RAB5B: variants seen among roughly 807,000 people sequenced by gnomAD.
The protein encoded by RAB5B is ras-related protein Rab-5B.
In RAB5B, 11 loss-of-function variants were observed where a neutral mutation model predicts 28.6. That is an observed-to-expected ratio of 0.38 (90% CI 0.24 to 0.64). The LOEUF is 0.64. Among genes scored for constraint, RAB5B ranks in the 30% least tolerant of loss-of-function variants. The pLI is 0.53. For synonymous variants in RAB5B, 93 were observed against 97.9 expected (o/e 0.95, Z 0.29); for missense variants, 169 against 265.6 (o/e 0.64, Z 2.53).
chr12:55,993,952 T>G lies in RAB5B; in HGVS notation c.*1740T>G, dbSNP rs1471518953. The G allele has an allele frequency of 2.6e-5, 4 of 151,106 alleles. No homozygotes were observed. Among genetic ancestry groups the G allele is most frequent in the Admixed American group, 2.6e-4 (4 of 15,162 alleles). 9.4% of individuals were successfully genotyped at this position (151,106 alleles called of 1,614,324 possible). On this transcript the variant is annotated 3_prime_UTR_variant, in exon 6 of 6. Coordinates refer to ENST00000360299, the MANE Select transcript of RAB5B (RefSeq NM_002868.4). Reference sequence around the variant, plus strand: ...GAAGCCATCAAGGCAAAAGAGAACTTTAAGTTCCTTGTTCCAGCCCGGAGT... The same window carrying G: ...GAAGCCATCAAGGCAAAAGAGAACTGTAAGTTCCTTGTTCCAGCCCGGAGT...
intron 1 of RAB5B, chr12:55,979,484 G>C (rs1255523268): frequency 6.6e-6 from 1 of 152,136 alleles, no homozygotes; most frequent in Non-Finnish European, 1.5e-5. Flanking sequence ...GGTATTTACT[G>C]GTTTCTGCTC....
Position 55,996,001 on chromosome 12 carries a change from A to ATTTTTTTTTT in RAB5B, c.*3790_*3791insTTTTTTTTTT, listed in dbSNP as rs1365255281. On this transcript the variant is annotated 3_prime_UTR_variant, in exon 6 of 6. Transcript: ENST00000360299. ...TATATATACATATATATATATATAT[A>ATTTTTTTTTT]TATTTTTTTTTTAACAACTGGTAGG... is the stretch of plus-strand genomic sequence containing the variant. The ATTTTTTTTTT allele has an allele frequency of 2.4e-5, 2 of 84,630 alleles. No homozygotes were observed. The highest frequency in any genetic ancestry group is 5.5e-5 in the African/African-American group (1 of 18,180). 5.2% of individuals were successfully genotyped at this position (84,630 alleles called of 1,614,324 possible).
chr12:55,991,291 A>C (rs1890110863), intron 4 of RAB5B, 69 bp from the exon 5 acceptor site: 1 of 1,211,112 alleles, frequency 8.3e-7, no homozygotes, highest in African/African-American at 1.5e-5. Context: ...GTTGTGCTGC[A>C]TGGGAGTGGA....
At chr12:55,990,905 A>G (rs1890096015) in intron 4 of RAB5B, 101 bp downstream of exon 4, 1 of 1,409,764 alleles carries the variant, frequency 7.1e-7, no homozygotes, top group African/African-American at 1.4e-5. Context: ...GAGGACATTC[A>G]TTGTCTCATT....
At chr12:55,983,349 G>A (rs1889861944) in intron 1 of RAB5B, among the ~76,000 whole-genome samples, 1 of 152,190 alleles carries the variant, frequency 6.6e-6, no homozygotes, top group African/African-American at 2.4e-5. Flanking sequence ...TCTAAAAATG[G>A]AAAATAAATT....
intron 1 of RAB5B, among the ~76,000 whole-genome samples, chr12:55,982,839 A>G (rs1228748921): frequency 1.3e-5 from 2 of 152,232 alleles, no homozygotes; most frequent in African/African-American, 4.8e-5. Flanking sequence ...ATGAGAATTC[A>G]GTCCATTCTA....
chr12:55,984,054 C>T (rs1390389965), intron 1 of RAB5B, among the ~76,000 whole-genome samples: 3 of 151,144 alleles, frequency 2.0e-5, no homozygotes, highest in Admixed American at 6.6e-5. Context: ...TGGAGTCTTG[C>T]TCTGTTACCC....
intron 1 of RAB5B, 56 bp from the exon 2 acceptor site, chr12:55,986,813 G>A: frequency 4.5e-6 from 3 of 671,002 alleles, no homozygotes; most frequent in South Asian, 1.8e-5. Context: ...TCTCTGAAAA[G>A]CGATTGCAGC....
In RAB5B at chr12:55,992,734, A is replaced by G; in HGVS notation, c.*522A>G. ...AATAAAGCTCAGAGCAGGAGGGAGTAAGGAAACATTTCCTTTTTGTTTTTA... is the reference window on the plus strand; with the variant it reads ...AATAAAGCTCAGAGCAGGAGGGAGTGAGGAAACATTTCCTTTTTGTTTTTA... On this transcript the variant is annotated 3_prime_UTR_variant, in exon 6 of 6. Transcript: ENST00000360299. 6.4e-6 allele frequency: 2 copies of G among 310,272 alleles called. No individual in the cohort carries two copies. The highest frequency in any genetic ancestry group is 5.2e-5 in the South Asian group (2 of 38,258). 19.2% of individuals were successfully genotyped at this position (310,272 alleles called of 1,614,324 possible).
rs1036475754 is a variant in RAB5B, at chr12:55,994,635, A to G, written c.*2423A>G. Reference sequence around the variant, plus strand: ...CCTTTCTTCCTCTCCCAACATAACAATCGTGGTAACAGAATGCGACTGCTG... The same window carrying G: ...CCTTTCTTCCTCTCCCAACATAACAGTCGTGGTAACAGAATGCGACTGCTG... On this transcript the variant is annotated 3_prime_UTR_variant, in exon 6 of 6. Transcript: ENST00000360299. The G allele has an allele frequency of 6.6e-6, 1 of 152,498 alleles. No individual in the cohort carries two copies. Among genetic ancestry groups the G allele is most frequent in the Non-Finnish European group, 1.5e-5 (1 of 68,008 alleles). The allele number at this position is 152,498 out of a possible 1,614,324, so 9.4% of individuals were successfully genotyped here.
rs1324840112 is a variant in RAB5B, at chr12:55,991,141, A to G, written c.439-219A>G. ...CAACTAACTTACCCTCTCCCCTATA[A>G]TTAAGCTTTCTGACATTTGTGTGTT... On this transcript the variant is annotated intron_variant, in intron 4 of 5. Transcript: ENST00000360299. 20 of 556,106 alleles carry G rather than the reference A, an allele frequency of 3.6e-5. No homozygotes were observed. The South Asian group carries it at 4.4e-4, about 12-fold the overall frequency. The allele number at this position is 556,106 out of a possible 1,614,324, so 34.4% of individuals were successfully genotyped here.
At chr12:55,976,306 C>G (rs1188734879) in intron 1 of RAB5B, among the ~76,000 whole-genome samples, 1 of 152,030 alleles carries the variant, frequency 6.6e-6, no homozygotes, top group Non-Finnish European at 1.5e-5. Context: ...TGGGATGATA[C>G]TCTGTTATTT....
rs879100118 is a variant in RAB5B at position 55,980,714 on chromosome 12, A to G, written c.-92-6155A>G. On this transcript the variant is annotated intron_variant, in intron 1 of 5. Transcript: ENST00000360299. ...CTCCACCCCAGCTGAGGCATTCTCC[A>G]TGATGCTTTTCATCCAGTTCTGAAT... 9.5e-6 allele frequency: 15 copies of G among 1,579,196 alleles called. No homozygotes were observed. The East Asian group carries it at 1.3e-4, about 14-fold the overall frequency.
chr12:55,974,227 C>G (rs903077056), intron 1 of RAB5B, 88 bp downstream of exon 1: 3 of 153,444 alleles, frequency 2.0e-5, no homozygotes, highest in Admixed American at 1.3e-4. Flanking sequence ...CGGGTCTGGT[C>G]CTAAGCGAGG....
chr12:55,996,042 G>T lies in RAB5B; in HGVS notation c.*3830G>T. The T allele has an allele frequency of 7.3e-6, 1 of 137,420 alleles. No individual in the cohort carries two copies. The highest frequency in any genetic ancestry group is 2.3e-4 in the South Asian group (1 of 4,362). The allele number at this position is 137,420 out of a possible 1,614,324, so 8.5% of individuals were successfully genotyped here. On this transcript the variant is annotated 3_prime_UTR_variant, in exon 6 of 6. Transcript: ENST00000360299. ...AACTGGTAGGATAGGTTGGGCATTAGCCTTCTTCAGTGATTTGATTGTATA... is the reference window on the plus strand; with the variant it reads ...AACTGGTAGGATAGGTTGGGCATTATCCTTCTTCAGTGATTTGATTGTATA...
intron 1 of RAB5B, among the ~76,000 whole-genome samples, chr12:55,977,449 A>T (rs946168994): frequency 6.6e-6 from 1 of 152,026 alleles, no homozygotes; most frequent in East Asian, 1.9e-4. Flanking sequence ...GTCATACCTC[A>T]TATCTTTTAA....
chr12:55,987,250 T>C (rs576363481), intron 2 of RAB5B, 127 bp downstream of exon 2: 2 of 927,306 alleles, frequency 2.2e-6, no homozygotes, highest in East Asian at 5.2e-5. Flanking sequence ...AACCTCTGTC[T>C]CCCAGGTTCG....
chr12:55,985,572 C>A, intron 1 of RAB5B: 2 of 358,752 alleles, frequency 5.6e-6, no homozygotes, highest in South Asian at 2.1e-5. Context: ...AAAGTCCCAA[C>A]TCTTCTCTCT....
chr12:55,975,265 G>T (rs932554865), intron 1 of RAB5B, among the ~76,000 whole-genome samples: 7 of 152,192 alleles, frequency 4.6e-5, no homozygotes, highest in African/African-American at 1.7e-4. Context: ...TATTTCCCAG[G>T]CAGGTAATGG....
Sources: gnomAD v4.1 joint callset for allele counts (sites outside exome capture counted in the v4.1 genomes callset) on GRCh38, gnomAD v4.1.1 for gene constraint, MANE v1.5 for transcripts, NCBI Gene and HGNC (gene_info 2026-07-23, HGNC 2026-07-21) for gene names.